Variants in BRD10 observed in about 807,000 individuals in gnomAD.
The protein encoded by BRD10 is bromodomain containing 10.
chr9:5,961,098 C>A, the BRD10 span, among the ~76,000 whole-genome samples: 2 of 152,154 alleles, frequency 1.3e-5, no homozygotes, highest in South Asian at 2.1e-4. Flanking sequence ...TATATTCCCA[C>A]ACAATGCATC....
At chr9:5,969,522 A>G in the BRD10 span, 40 of 894,452 alleles carry the variant, frequency 4.5e-5, no homozygotes, top group Non-Finnish European at 6.1e-5. Flanking sequence ...TTTAGCCAAA[A>G]AGGCAATCAA....
the BRD10 span, among the ~76,000 whole-genome samples, chr9:5,953,711 C>T: frequency 6.6e-6 from 1 of 151,384 alleles, no homozygotes; most frequent in Admixed American, 6.6e-5. Context: ...CACACACACA[C>T]ATATACTATA....
chr9:5,958,285 A>G, the BRD10 span, among the ~76,000 whole-genome samples: 1 of 152,218 alleles, frequency 6.6e-6, no homozygotes, highest in Non-Finnish European at 1.5e-5. Flanking sequence ...CTGAGGAATA[A>G]AACTCTAGTT....
chr9:5,925,790 T>C, the BRD10 span, among the ~76,000 whole-genome samples: 2 of 152,218 alleles, frequency 1.3e-5, no homozygotes, highest in African/African-American at 4.8e-5. Flanking sequence ...AAACTAGAGA[T>C]GGAAACATGG....
At chr9:5,925,939 CCTT>C in the BRD10 span, among the ~76,000 whole-genome samples, 14 of 152,198 alleles carry the variant, frequency 9.2e-5, no homozygotes, top group South Asian at 6.2e-4. Context: ...TTCCTTTCCT[CCTT>C]CGTCTTGCTC....
chr9:5,878,977 G>C, the BRD10 span, among the ~76,000 whole-genome samples: 2 of 152,206 alleles, frequency 1.3e-5, no homozygotes, highest in African/African-American at 2.4e-5. Context: ...TGATGCCAGA[G>C]CTCCTGCCTC....
At chr9:5,980,409 G>A in the BRD10 span, among the ~76,000 whole-genome samples, 10 of 152,222 alleles carry the variant, frequency 6.6e-5, no homozygotes, top group East Asian at 1.2e-3. Flanking sequence ...ATCCAAAGCT[G>A]TCCAAACTAA....
the BRD10 span, among the ~76,000 whole-genome samples, chr9:5,946,602 C>T: frequency 2.0e-5 from 3 of 152,084 alleles, no homozygotes; most frequent in African/African-American, 7.2e-5. Context: ...ATTATGATGA[C>T]GGTGTCAAAT....
the BRD10 span, among the ~76,000 whole-genome samples, chr9:5,983,593 A>C: frequency 6.6e-6 from 1 of 152,214 alleles, no homozygotes; most frequent in South Asian, 2.1e-4. Context: ...ACTTTTAGAG[A>C]TAAAAAATTA....
chr9:5,977,687 T>C, the BRD10 span, among the ~76,000 whole-genome samples: 6 of 151,992 alleles, frequency 3.9e-5, no homozygotes, highest in South Asian at 2.1e-4. Flanking sequence ...TACAAAAAAT[T>C]AGCTGGGCGT....
the BRD10 span, chr9:5,890,798 G>A: frequency 3.2e-4 from 49 of 151,978 alleles, no homozygotes; most frequent in African/African-American, 9.9e-4. Context: ...AATTACAGAC[G>A]ACCCCGTCAG....
the BRD10 span, chr9:5,919,700 T>C: frequency 6.2e-7 from 1 of 1,609,848 alleles, no homozygotes; most frequent in African/African-American, 1.3e-5. Flanking sequence ...TGCAGCTCTG[T>C]CAGGCTTCTC....
At chr9:5,930,368 A>ATT in the BRD10 span, among the ~76,000 whole-genome samples, 8,674 of 85,558 alleles carry the variant, frequency 0.1, 402 homozygotes, top group South Asian at 0.19. Context: ...ATATAAGGAG[A>ATT]TTATATATAT....
chr9:5,945,437 T>C, the BRD10 span, among the ~76,000 whole-genome samples: 1 of 152,106 alleles, frequency 6.6e-6, no homozygotes, highest in African/African-American at 2.4e-5. Flanking sequence ...GCTGTTGGGG[T>C]TGCTAAAAGG....
the BRD10 span, among the ~76,000 whole-genome samples, chr9:5,935,167 T>C: frequency 2.6e-5 from 4 of 152,236 alleles, no homozygotes; most frequent in African/African-American, 4.8e-5. Flanking sequence ...CTATTATATA[T>C]GCTATTATTT....
chr9:5,905,320 C>T, the BRD10 span, among the ~76,000 whole-genome samples: 6 of 152,124 alleles, frequency 3.9e-5, no homozygotes, highest in East Asian at 1.9e-4. Flanking sequence ...TTGGCCATGA[C>T]GGGAAGGGAG....
chr9:5,930,198 A>G, the BRD10 span, among the ~76,000 whole-genome samples: 1 of 151,608 alleles, frequency 6.6e-6, no homozygotes, highest in Non-Finnish European at 1.5e-5. Flanking sequence ...CAAAAGATAC[A>G]TAATTATATA....
the BRD10 span, chr9:5,892,361 C>T: frequency 1.2e-6 from 1 of 850,120 alleles, no homozygotes; most frequent in Non-Finnish European, 1.8e-6. Flanking sequence ...TATTGGTCAC[C>T]TAGTGAGGAT....
the BRD10 span, among the ~76,000 whole-genome samples, chr9:6,005,142 G>A: frequency 6.6e-6 from 1 of 152,204 alleles, no homozygotes; most frequent in Non-Finnish European, 1.5e-5. Flanking sequence ...ATTAACGACT[G>A]AGAATGATGA....
Sources: gnomAD v4.1 joint callset for allele counts (sites outside exome capture counted in the v4.1 genomes callset) on GRCh38, gnomAD v4.1.1 for gene constraint, MANE v1.5 for transcripts, NCBI Gene and HGNC (gene_info 2026-07-23, HGNC 2026-07-21) for gene names.